TYW1: variants seen among roughly 807,000 people sequenced by gnomAD.
TYW1 encodes the protein tRNA-yW synthesizing protein 1 homolog.
TYW1 carries 46 observed loss-of-function variants against 96.2 expected under a neutral mutation model. The ratio of observed to expected loss-of-function variants is 0.48; its 90% confidence interval spans 0.38 to 0.61. The LOEUF (loss-of-function observed/expected upper bound fraction) is 0.61. TYW1 is among the 20% of genes least tolerant of loss of function. TYW1 has a pLI of 0.00. For missense variants in TYW1, 684 were observed against 909.6 expected, an observed-to-expected ratio of 0.75 and a Z score of 3.19; for synonymous variants, 274 against 323.0, an observed-to-expected ratio of 0.85 and a Z score of 1.63.
At chr7:67,185,763 T>C (rs1799998135) in intron 14 of TYW1, among the ~76,000 whole-genome samples, 1 of 152,200 alleles carries the variant, frequency 6.6e-6, no homozygotes, top group Non-Finnish European at 1.5e-5. Context: ...TTGGAAGTAA[T>C]GGCTTTTTTA....
intron 13 of TYW1, among the ~76,000 whole-genome samples, chr7:67,125,527 A>G (rs1204323145): frequency 6.9e-6 from 1 of 144,802 alleles, no homozygotes; most frequent in Non-Finnish European, 1.6e-5. Flanking sequence ...ATCACCCGCA[A>G]GAGTGGCACA....
intron 7 of TYW1, among the ~76,000 whole-genome samples, chr7:67,030,059 G>C (rs1468213603): frequency 6.6e-6 from 1 of 152,156 alleles, no homozygotes; most frequent in African/African-American, 2.4e-5. Context: ...TTGGAATCCA[G>C]GCACATCAGT....
intron 12 of TYW1, among the ~76,000 whole-genome samples, chr7:67,098,926 C>G (rs2686978): frequency 6.6e-6 from 1 of 151,996 alleles, no homozygotes; most frequent in East Asian, 1.9e-4. Flanking sequence ...GGCACAGATA[C>G]ATCGCTAGGG....
chr7:67,142,145 G>T (rs1352335719), intron 13 of TYW1, among the ~76,000 whole-genome samples: 1 of 152,244 alleles, frequency 6.6e-6, no homozygotes, highest in East Asian at 1.9e-4. Flanking sequence ...GCCCAGGCTG[G>T]AGTGCAGTGG....
At chr7:67,130,577 T>C (rs1256409551) in intron 13 of TYW1, among the ~76,000 whole-genome samples, 1 of 151,270 alleles carries the variant, frequency 6.6e-6, no homozygotes, top group African/African-American at 2.4e-5. Flanking sequence ...GGCAGGAGAA[T>C]GATGTGAACC....
At chr7:67,203,507 G>T (rs1290183936) in intron 15 of TYW1, among the ~76,000 whole-genome samples, 1 of 152,124 alleles carries the variant, frequency 6.6e-6, no homozygotes, top group Admixed American at 6.5e-5. Flanking sequence ...ACAGTCTACT[G>T]GTGTCGGCAT....
At chr7:67,096,742 C>T (rs1796933075) in intron 11 of TYW1, among the ~76,000 whole-genome samples, 1 of 152,100 alleles carries the variant, frequency 6.6e-6, no homozygotes, top group African/African-American at 2.4e-5. Flanking sequence ...CCACCCTCCA[C>T]CCTCTGATAG....
At chr7:67,177,469 G>A (rs867519934) in intron 13 of TYW1, among the ~76,000 whole-genome samples, 168 of 152,182 alleles carry the variant, frequency 1.1e-3, no homozygotes, top group African/African-American at 3.8e-3. Flanking sequence ...GTTTATAACA[G>A]AGCTTTTCTT....
chr7:67,085,733 C>T (rs962187886), intron 11 of TYW1, among the ~76,000 whole-genome samples: 8 of 152,086 alleles, frequency 5.3e-5, no homozygotes, highest in African/African-American at 1.9e-4. Flanking sequence ...CTTTGAGAGG[C>T]TGAGGTAGGC....
chr7:67,211,275 G>T (rs4501481), intron 15 of TYW1, among the ~76,000 whole-genome samples: 38,862 of 148,500 alleles, frequency 0.26, 5,441 homozygotes, highest in African/African-American at 0.35. Flanking sequence ...GGTTCAACTT[G>T]CAGTCTTTTG....
chr7:67,217,769 A>G (rs1801246202), intron 15 of TYW1, among the ~76,000 whole-genome samples: 1 of 135,812 alleles, frequency 7.4e-6, no homozygotes. Context: ...ATAGATTTCT[A>G]TTTCTACAAA....
intron 13 of TYW1, among the ~76,000 whole-genome samples, chr7:67,136,650 CGTGTGTGTGTGTGTGT>C (rs59522817): frequency 7.6e-5 from 11 of 144,078 alleles, no homozygotes; most frequent in African/African-American, 2.5e-4. Context: ...TTATACAGTG[CGTGTGTGTGTGTGTGT>C]GTGTGTGTGT....
chr7:67,187,072 T>G (rs199525561), intron 14 of TYW1, among the ~76,000 whole-genome samples: 17,366 of 117,384 alleles, frequency 0.15, 715 homozygotes, highest in East Asian at 0.25. Context: ...TTTTTTTTTT[T>G]TTTTTTTTTG....
rs550936956 is a variant in TYW1 at position 67,044,674 on chromosome 7, C to T, written c.985-5275C>T. Reference sequence around the variant, plus strand: ...AGAGTCTGTTGCCCAGGCTGGAGTGCGGTGGCACCATCTCGGCTCACTGCA... The same window carrying T: ...AGAGTCTGTTGCCCAGGCTGGAGTGTGGTGGCACCATCTCGGCTCACTGCA... On this transcript the variant is annotated intron_variant, in intron 7 of 15. Coordinates refer to ENST00000359626, the MANE Select transcript of TYW1 (RefSeq NM_018264.4). Among the ~76,000 whole-genome samples the T allele has an allele frequency of 2.7e-3, 405 of 152,216 alleles. 2 individuals are homozygous for T. The Middle Eastern group carries it at 0.031, about 12-fold the overall frequency.
chr7:67,235,413 T>G (rs1350223473), intron 15 of TYW1, among the ~76,000 whole-genome samples: 1 of 152,220 alleles, frequency 6.6e-6, no homozygotes, highest in African/African-American at 2.4e-5. Context: ...TTGAATTACA[T>G]GTTAATGTCA....
intron 13 of TYW1, among the ~76,000 whole-genome samples, chr7:67,166,931 T>C (rs562792168): frequency 4.6e-5 from 7 of 152,208 alleles, no homozygotes; most frequent in Non-Finnish European, 1.0e-4. Flanking sequence ...TCATCATTAG[T>C]AGATAGTGCC....
At chr7:67,223,777 A>G (rs66988535) in intron 15 of TYW1, among the ~76,000 whole-genome samples, 38,942 of 150,028 alleles carry the variant, frequency 0.26, 5,522 homozygotes, top group African/African-American at 0.35. Flanking sequence ...GGGCTGAGTC[A>G]TCGGGGACTG....
chr7:67,235,265 C>A (rs1207161536), intron 15 of TYW1, among the ~76,000 whole-genome samples: 1 of 152,228 alleles, frequency 6.6e-6, no homozygotes, highest in Non-Finnish European at 1.5e-5. Context: ...TTGTACATAA[C>A]CTCACCTGCT....
intron 15 of TYW1, among the ~76,000 whole-genome samples, chr7:67,195,894 A>T (rs1011753732): frequency 5.4e-5 from 8 of 148,986 alleles, no homozygotes; most frequent in African/African-American, 2.0e-4. Context: ...CCAGTTCTTG[A>T]TAGAGGTGGG....
Sources: gnomAD v4.1 joint callset for allele counts (sites outside exome capture counted in the v4.1 genomes callset) on GRCh38, gnomAD v4.1.1 for gene constraint, MANE v1.5 for transcripts, NCBI Gene and HGNC (gene_info 2026-07-23, HGNC 2026-07-21) for gene names.